CDC45: variants seen among roughly 807,000 people sequenced by gnomAD.
CDC45 encodes the protein cell division cycle 45, also known as cell division control protein 45 homolog.
Under a neutral mutation model 77.8 loss-of-function variants are expected in CDC45, and 54 were observed. That is an observed-to-expected ratio of 0.69 (90% CI 0.56 to 0.87). The LOEUF (loss-of-function observed/expected upper bound fraction) is 0.87. CDC45 is among the 40% of genes least tolerant of loss of function. The probability of loss-of-function intolerance (pLI) is 0.00; values close to 1 mark genes in which losing one functional copy is unlikely to be tolerated. For synonymous variants in CDC45, 260 were observed against 272.1 expected, an observed-to-expected ratio of 0.96 and a Z score of 0.44; for missense variants, 649 against 721.6, an observed-to-expected ratio of 0.90 and a Z score of 1.15.
intron 9 of CDC45, among the ~76,000 whole-genome samples, chr22:19,501,691 C>T (rs1932907295): frequency 6.6e-6 from 1 of 152,098 alleles, no homozygotes; most frequent in Non-Finnish European, 1.5e-5. Flanking sequence ...CAAAACTAGT[C>T]ATCATTTCAA....
At chr22:19,487,430 G>A (rs990758119) in intron 5 of CDC45, among the ~76,000 whole-genome samples, 9 of 151,488 alleles carry the variant, frequency 5.9e-5, no homozygotes, top group Middle Eastern at 7.0e-3. Context: ...GGAGGCTAGA[G>A]TGGGAGGATG....
intron 6 of CDC45, chr22:19,494,752 G>T: frequency 2.9e-6 from 2 of 699,602 alleles, no homozygotes; most frequent in Non-Finnish European, 4.8e-6. Flanking sequence ...TGAGCATGCA[G>T]CAGCGCCCTT....
chr22:19,499,453 G>A (rs908685244), intron 9 of CDC45, among the ~76,000 whole-genome samples: 3 of 152,160 alleles, frequency 2.0e-5, no homozygotes, highest in African/African-American at 7.2e-5. Context: ...GGCAGGTGCT[G>A]AGGTGTGGCC....
intron 9 of CDC45, among the ~76,000 whole-genome samples, chr22:19,500,373 C>A (rs2090319014): frequency 6.6e-6 from 1 of 152,066 alleles, no homozygotes; most frequent in Non-Finnish European, 1.5e-5. Context: ...AAAATGAACC[C>A]AGCTCGCAGC....
upstream of CDC45, chr22:19,479,718 C>A: frequency 1.5e-6 from 1 of 680,642 alleles, no homozygotes; most frequent in Non-Finnish European, 2.7e-6. Flanking sequence ...AAGGGGGCAA[C>A]AGTGTTTGCG....
In CDC45 at chr22:19,520,568, GC is replaced by G. The variant is rs1234401225; in HGVS notation, c.*91del. On this transcript the variant is annotated 3_prime_UTR_variant, in exon 19 of 19. Transcript: ENST00000263201. The surrounding 1 kb of genome is among the most constrained non-coding windows in gnomAD (Gnocchi z 4.5). ...TATGGACATGATTTGAGATGTAGAAGCCATTTTTTATTAAATAAAATGCTTA... is the reference window on the plus strand; with the variant it reads ...TATGGACATGATTTGAGATGTAGAAGCATTTTTTATTAAATAAAATGCTTA... 2 of 152,292 alleles carry G rather than the reference GC, an allele frequency of 1.3e-5. No individual in the cohort carries two copies. The highest frequency in any genetic ancestry group is 3.9e-4 in the East Asian group (2 of 5,182). 9.4% of individuals were successfully genotyped at this position (152,292 alleles called of 1,614,324 possible).
rs766565951 is a variant in CDC45, at chr22:19,482,762, A to G, written c.277A>G (p.Thr93Ala). 3 of 1,611,090 alleles carry G rather than the reference A, an allele frequency of 1.9e-6. No individual in the cohort carries two copies. The highest frequency in any genetic ancestry group is 2.5e-6 in the Non-Finnish European group (3 of 1,177,226). ...GGATATTCTTCAACCTGATGAAGAC[A>G]CTATATTCTTTGTGTGTGACACCCA... ...LLDILQPDED[T>A]IFFVCDTHRP... Residue 93 changes from threonine (T) to alanine (A), a missense_variant, in exon 4 of 19, where the codon ACT becomes GCT. Coordinates refer to ENST00000263201, the MANE Select transcript of CDC45 (RefSeq NM_003504.5).
chr22:19,509,966 T>G (rs1933420395), intron 13 of CDC45, among the ~76,000 whole-genome samples: 1 of 152,158 alleles, frequency 6.6e-6, no homozygotes, highest in African/African-American at 2.4e-5. Context: ...ATTTATTTTA[T>G]TGTTATTTTT....
chr22:19,505,674 C>G (rs1173424477), intron 10 of CDC45, among the ~76,000 whole-genome samples, 193 bp downstream of exon 10: 1 of 152,212 alleles, frequency 6.6e-6, no homozygotes, highest in Non-Finnish European at 1.5e-5. Flanking sequence ...AATGCCAGAG[C>G]TGAGTTTGGA....
intron 5 of CDC45, among the ~76,000 whole-genome samples, chr22:19,485,366 C>T (rs1278358093): frequency 1.3e-5 from 2 of 152,200 alleles, no homozygotes; most frequent in Non-Finnish European, 2.9e-5. Flanking sequence ...TTGGGGGAGA[C>T]AGATACTGAT....
At chr22:19,503,739 CTAT>C (rs1932993837) in intron 9 of CDC45, among the ~76,000 whole-genome samples, 1 of 152,306 alleles carries the variant, frequency 6.6e-6, no homozygotes, top group South Asian at 2.1e-4. Flanking sequence ...GAGGCCCTTC[CTAT>C]TATTAGGGAG....
chr22:19,479,937 G>T lies in CDC45; in HGVS notation c.-32G>T. On this transcript the variant is annotated 5_prime_UTR_variant, in exon 1 of 19. Coordinates refer to ENST00000263201, the MANE Select transcript of CDC45 (RefSeq NM_003504.5). ...CCGCCGCCGGGCTCTTGGTACCTCA[G>T]CGCGAGCGCCAGGCGTCCGGCCGCC... 6.2e-7 allele frequency: 1 copy of T among 1,612,028 alleles called. No individual in the cohort carries two copies.
intron 9 of CDC45, among the ~76,000 whole-genome samples, chr22:19,503,490 G>C (rs1241562538): frequency 2.0e-5 from 3 of 152,214 alleles, no homozygotes; most frequent in Non-Finnish European, 4.4e-5. Context: ...CTCCAACCAG[G>C]AGTTCAGCGG....
At chr22:19,500,457 C>G (rs887888452) in intron 9 of CDC45, among the ~76,000 whole-genome samples, 1 of 152,092 alleles carries the variant, frequency 6.6e-6, no homozygotes, top group South Asian at 2.1e-4. Flanking sequence ...TCATTGCCTC[C>G]GAAACATGTA....
At chr22:19,486,739 G>T (rs1416667400) in intron 5 of CDC45, among the ~76,000 whole-genome samples, 1 of 152,134 alleles carries the variant, frequency 6.6e-6, no homozygotes, top group South Asian at 2.1e-4. Flanking sequence ...CTGGAGTGCA[G>T]TGGTACGATC....
At chr22:19,483,519 C>T in intron 4 of CDC45, among the ~76,000 whole-genome samples, 1 of 152,136 alleles carries the variant, frequency 6.6e-6, no homozygotes, top group Non-Finnish European at 1.5e-5. Flanking sequence ...TCTTCATGTC[C>T]TATATCAGAC....
At chr22:19,506,615 G>T (rs949756044) in intron 10 of CDC45, among the ~76,000 whole-genome samples, 2 of 152,186 alleles carry the variant, frequency 1.3e-5, no homozygotes, top group African/African-American at 4.8e-5. Flanking sequence ...CACGGTGCCA[G>T]GGGCAGTGAT....
At position 19,494,318 on chromosome 22, in the gene CDC45, C is replaced by CT; in HGVS notation, c.487-8dup. ...GCTCCACCTTTTGTTCTCTTTGTCC[C>CT]TGTATCAGGAGATAGTGGAGCAAAC... is the stretch of plus-strand genomic sequence containing the variant. On this transcript the variant is annotated splice_polypyrimidine_tract_variant and intron_variant, in intron 5 of 18. Transcript: ENST00000263201. 1.2e-6 allele frequency: 2 copies of CT among 1,612,084 alleles called. No homozygotes were observed. The highest frequency in any genetic ancestry group is 1.7e-6 in the Non-Finnish European group (2 of 1,179,684).
chr22:19,483,823 A>G lies in CDC45; in HGVS notation c.343-39A>G, dbSNP rs539575623. On this transcript the variant is annotated intron_variant, in intron 4 of 18. Coordinates refer to ENST00000263201, the MANE Select transcript of CDC45 (RefSeq NM_003504.5). Reference sequence around the variant, plus strand: ...GAACATATTGTATAGTTTTCCGTAGAAAGAGGAGAGGCTTAATTCCTTTTT... The same window carrying G: ...GAACATATTGTATAGTTTTCCGTAGGAAGAGGAGAGGCTTAATTCCTTTTT... The G allele has an allele frequency of 6.3e-6, 10 of 1,586,132 alleles. No homozygotes were observed. In the African/African-American group the frequency reaches 1.2e-4, roughly 19 times the overall value.
Sources: allele counts gnomAD v4.1 joint callset (sites outside exome capture counted in the v4.1 genomes callset), GRCh38; gene constraint gnomAD v4.1.1; non-coding constraint Gnocchi (gnomAD v3.1); transcripts MANE v1.5; gene names NCBI Gene and HGNC (gene_info 2026-07-23, HGNC 2026-07-21).